SMC5: variants seen among roughly 807,000 people sequenced by gnomAD.
SMC5 encodes structural maintenance of chromosomes protein 5.
SMC5 carries 88 observed loss-of-function variants against 148.3 expected under a neutral mutation model. The observed-to-expected ratio is 0.59, with a 90% confidence interval of 0.50 to 0.71. SMC5 has a LOEUF of 0.71. Ranked by LOEUF, SMC5 falls within the 30% of genes least tolerant of loss-of-function variation. The pLI, the probability that SMC5 is intolerant of heterozygous loss-of-function variation, is 0.00. For missense variants in SMC5, 1,142 were observed against 1,298.9 expected, an observed-to-expected ratio of 0.88 and a Z score of 1.86; for synonymous variants, 421 against 432.8, an observed-to-expected ratio of 0.97 and a Z score of 0.34.
At position 70,281,571 on chromosome 9, in the gene SMC5, T is replaced by C. The variant is rs143457585; in HGVS notation, c.819+672T>C. On this transcript the variant is annotated intron_variant, in intron 6 of 24. Coordinates refer to ENST00000361138, the MANE Select transcript of SMC5 (RefSeq NM_015110.4). ...TTAAAGATTCAATTCCCTCATTGCA[T>C]TACTTTATAATTGGTAGAACAAAAT... is the stretch of plus-strand genomic sequence containing the variant. Among the ~76,000 whole-genome samples, 46 of 152,294 alleles carry C rather than the reference T, an allele frequency of 3.0e-4. 1 individual carries two copies. In the East Asian group the frequency reaches 7.9e-3, roughly 26 times the overall value.
At chr9:70,325,699 A>C (rs1414679676) in intron 17 of SMC5, among the ~76,000 whole-genome samples, 9 of 152,186 alleles carry the variant, frequency 5.9e-5, no homozygotes, top group Non-Finnish European at 1.2e-4. Context: ...CATTTCTCTG[A>C]AAATGCAAGA....
At chr9:70,330,453 T>A (rs992102260) in intron 17 of SMC5, among the ~76,000 whole-genome samples, 12 of 151,876 alleles carry the variant, frequency 7.9e-5, no homozygotes, top group Admixed American at 7.9e-4. Context: ...AGGAATACAG[T>A]CAGCAAAACC....
intron 3 of SMC5, among the ~76,000 whole-genome samples, chr9:70,275,797 C>T (rs866657801): frequency 6.6e-6 from 1 of 151,960 alleles, no homozygotes; most frequent in African/African-American, 2.4e-5. Context: ...CTTAAACCTA[C>T]GGTTTGGTGT....
chr9:70,309,683 A>G (rs938992109), intron 11 of SMC5, among the ~76,000 whole-genome samples: 10 of 152,064 alleles, frequency 6.6e-5, no homozygotes, highest in African/African-American at 2.2e-4. Flanking sequence ...TCCACTTCCA[A>G]TTCTAGTTCT....
chr9:70,299,612 T>G (rs1434293585), intron 9 of SMC5, among the ~76,000 whole-genome samples: 1 of 152,102 alleles, frequency 6.6e-6, no homozygotes, highest in African/African-American at 2.4e-5. Flanking sequence ...ATTTAGGAAT[T>G]AACTTCAGAG....
intron 3 of SMC5, 35 bp downstream of exon 3, chr9:70,268,010 A>G (rs1256238957): frequency 1.9e-6 from 3 of 1,546,266 alleles, no homozygotes; most frequent in Non-Finnish European, 2.7e-6. Context: ...CCTTTTTCCT[A>G]TAAAATTCTT....
intron 10 of SMC5, among the ~76,000 whole-genome samples, chr9:70,303,174 C>T (rs1749222841): frequency 6.6e-6 from 1 of 151,986 alleles, no homozygotes; most frequent in African/African-American, 2.4e-5. Flanking sequence ...CTGCAGTGAG[C>T]CGTGATCACA....
intron 17 of SMC5, among the ~76,000 whole-genome samples, chr9:70,336,588 AG>A (rs1239227708): frequency 3.3e-5 from 5 of 152,248 alleles, no homozygotes; most frequent in Admixed American, 2.6e-4. Context: ...ACTAGCTACC[AG>A]AGGAGAGCCT....
At chr9:70,293,081 T>C (rs2035107953) in intron 8 of SMC5, among the ~76,000 whole-genome samples, 1 of 152,142 alleles carries the variant, frequency 6.6e-6, no homozygotes, top group Non-Finnish European at 1.5e-5. Flanking sequence ...TTATATACTT[T>C]AAACATTTTG....
At chr9:70,344,304 A>G (rs1484106092) in intron 18 of SMC5, 35 bp downstream of exon 18, 9 of 1,364,174 alleles carry the variant, frequency 6.6e-6, no homozygotes, top group Admixed American at 2.8e-5. Flanking sequence ...TACAATTGCC[A>G]TATTTAACAT....
intron 7 of SMC5, among the ~76,000 whole-genome samples, chr9:70,284,695 A>G (rs2034850257): frequency 6.6e-6 from 1 of 152,206 alleles, no homozygotes; most frequent in Non-Finnish European, 1.5e-5. Flanking sequence ...GAAAATCTGC[A>G]TGGCCTAAGA....
chr9:70,318,343 G>A (rs146183509), intron 13 of SMC5, among the ~76,000 whole-genome samples, 171 bp from the exon 14 acceptor site: 3 of 151,746 alleles, frequency 2.0e-5, no homozygotes, highest in South Asian at 2.1e-4. Flanking sequence ...AGCTGAGTTC[G>A]TGCCACTGCA....
chr9:70,282,674 T>G, intron 7 of SMC5, 91 bp downstream of exon 7: 1 of 1,262,378 alleles, frequency 7.9e-7, no homozygotes, highest in Non-Finnish European at 1.1e-6. Flanking sequence ...TTTTCAAGGG[T>G]TTTCTTGTAT....
intron 17 of SMC5, among the ~76,000 whole-genome samples, chr9:70,328,661 T>G (rs1277572923): frequency 6.6e-6 from 1 of 152,188 alleles, no homozygotes; most frequent in Non-Finnish European, 1.5e-5. Flanking sequence ...CGGTGCAAGC[T>G]GTCAGTGGAT....
intron 15 of SMC5, among the ~76,000 whole-genome samples, chr9:70,322,495 CTG>C (rs953941863): frequency 7.2e-5 from 11 of 152,290 alleles, no homozygotes; most frequent in African/African-American, 2.6e-4. Context: ...ATCCAAAAGA[CTG>C]TTGCAAAATT....
intron 17 of SMC5, among the ~76,000 whole-genome samples, chr9:70,338,691 T>C (rs2036430261): frequency 6.6e-6 from 1 of 152,232 alleles, no homozygotes; most frequent in Admixed American, 6.5e-5. Flanking sequence ...TCATAACCTC[T>C]GTATCTTTCC....
rs1459730466 is a variant in SMC5 at position 70,271,158 on chromosome 9, ATTTTGGATTTTGGAG to A, written c.380+3185_380+3199del. 3.6e-4 allele frequency among the ~76,000 whole-genome samples: 3 copies of A among 8,238 alleles called. No homozygotes were observed. In the East Asian group the frequency reaches 6.6e-3, roughly 18 times the overall value. 5.4% of individuals were successfully genotyped at this position (8,238 alleles called of 152,430 possible). On this transcript the variant is annotated intron_variant, in intron 3 of 24. Transcript: ENST00000361138. ...CACAAGAAGTTTTGGATTTTGGAGC[ATTTTGGATTTTGGAG>A]TATACAGGGATACTCAACCTGTATA...
At chr9:70,295,039 A>G (rs962019306) in intron 8 of SMC5, among the ~76,000 whole-genome samples, 7 of 152,300 alleles carry the variant, frequency 4.6e-5, no homozygotes, top group African/African-American at 1.7e-4. Context: ...GAAGGAGTAC[A>G]GTGGGGATTA....
At position 70,313,544 on chromosome 9, in the gene SMC5, C is replaced by G. The variant is rs554443259; in HGVS notation, c.1579-1198C>G. Among the ~76,000 whole-genome samples the G allele has an allele frequency of 2.6e-5, 4 of 152,180 alleles. No homozygotes were observed. In the East Asian group the frequency reaches 7.7e-4, roughly 29 times the overall value. On this transcript the variant is annotated intron_variant, in intron 11 of 24. Transcript: ENST00000361138. Reference sequence around the variant, plus strand: ...GACAGTTTCGCTCTTGTCACCCAGGCTGGAGTGCAATGGCATGATCTTGGC... The same window carrying G: ...GACAGTTTCGCTCTTGTCACCCAGGGTGGAGTGCAATGGCATGATCTTGGC...
Sources: allele counts gnomAD v4.1 joint callset (sites outside exome capture counted in the v4.1 genomes callset), GRCh38; gene constraint gnomAD v4.1.1; transcripts MANE v1.5; gene names NCBI Gene and HGNC (gene_info 2026-07-23, HGNC 2026-07-21).